Variants in PRKN observed in about 807,000 individuals in gnomAD.
PRKN encodes the protein parkin RBR E3 ubiquitin protein ligase, also known as E3 ubiquitin-protein ligase parkin.
A neutral mutation model predicts 59.5 loss-of-function variants in PRKN; 56 were observed. The ratio of observed to expected loss-of-function variants is 0.94; its 90% CI spans 0.76 to 1.18. The LOEUF is 1.18. Among genes scored for constraint, PRKN ranks in the 50% most tolerant of loss-of-function variants. PRKN has a pLI of 0.00. For missense variants in PRKN, 657 were observed against 596.4 expected (o/e 1.10, Z -1.06); for synonymous variants, 250 against 222.1 (o/e 1.13, Z -1.12).
intron 2 of PRKN, among the ~76,000 whole-genome samples, chr6:162,278,782 T>A (rs1780746076): frequency 6.6e-6 from 1 of 152,038 alleles, no homozygotes; most frequent in African/African-American, 2.4e-5. Flanking sequence ...CTGAAGTGTT[T>A]AGGAACAAAA....
chr6:161,706,959 G>A (rs1786525857), intron 7 of PRKN, among the ~76,000 whole-genome samples: 1 of 152,134 alleles, frequency 6.6e-6, no homozygotes, highest in African/African-American at 2.4e-5. Context: ...CAAGAAAACT[G>A]TATTTTTAGG....
chr6:161,879,520 G>T (rs1185353420), intron 6 of PRKN, among the ~76,000 whole-genome samples: 2 of 151,904 alleles, frequency 1.3e-5, no homozygotes, highest in African/African-American at 4.8e-5. Flanking sequence ...CTAACTTTTT[G>T]TATTTTGAGT....
At chr6:162,526,260 C>G (rs1397416463) in intron 1 of PRKN, among the ~76,000 whole-genome samples, 2 of 77,152 alleles carry the variant, frequency 2.6e-5, no homozygotes, top group Admixed American at 1.6e-4. Context: ...AGAACCTCCA[C>G]AAGGCTAAGG....
intron 9 of PRKN, among the ~76,000 whole-genome samples, chr6:161,528,555 A>G (rs1438758656): frequency 6.6e-6 from 1 of 152,202 alleles, no homozygotes; most frequent in Admixed American, 6.5e-5. Context: ...ACTGTGTCCA[A>G]GTGGAAATGG....
At position 162,238,148 on chromosome 6, in the gene PRKN, G is replaced by A. The variant is rs146030161; in HGVS notation, c.412+24377C>T. On this transcript the variant is annotated intron_variant, in intron 3 of 11. Coordinates refer to ENST00000366898, the MANE Select transcript of PRKN (RefSeq NM_004562.3). ...TTAAATCTATAACATACAGTCATGT[G>A]CCCCATCTGCATCAATCATGGCATG... Among the ~76,000 whole-genome samples the A allele has an allele frequency of 1.6e-3, 238 of 152,242 alleles. 1 individual carries two copies. The highest frequency in any genetic ancestry group is 2.6e-3 in the Non-Finnish European group (175 of 68,008).
intron 1 of PRKN, among the ~76,000 whole-genome samples, chr6:162,544,764 G>A (rs1360251973): frequency 7.5e-5 from 10 of 133,498 alleles, no homozygotes; most frequent in Non-Finnish European, 1.4e-4. Flanking sequence ...GGCAACCTCC[G>A]CCTCCCGGGT....
Position 161,551,283 on chromosome 6 carries a change from G to T in PRKN, c.934-2280C>A, listed in dbSNP as rs952902328. Among the ~76,000 whole-genome samples, 5 of 152,202 alleles carry T rather than the reference G, an allele frequency of 3.3e-5. No individual in the cohort carries two copies. The highest frequency in any genetic ancestry group is 1.2e-4 in the African/African-American group (5 of 41,450). On this transcript the variant is annotated intron_variant, in intron 8 of 11. Transcript: ENST00000366898. This position sits in a 1 kb window ranked among gnomAD's most constrained non-coding sequence, Gnocchi z 5.2. ...CCCCAAATGCCAAGGAAGGACCTGG[G>T]GAGGCGCGCTGGCGACCTGAACGTC...
At chr6:162,269,813 C>A (rs922905028) in intron 2 of PRKN, among the ~76,000 whole-genome samples, 1 of 152,134 alleles carries the variant, frequency 6.6e-6, no homozygotes, top group African/African-American at 2.4e-5. Flanking sequence ...GTCGAAACCA[C>A]AATGCGATAC....
chr6:161,650,189 C>G (rs1172853363), intron 7 of PRKN, among the ~76,000 whole-genome samples: 1 of 152,136 alleles, frequency 6.6e-6, no homozygotes, highest in Non-Finnish European at 1.5e-5. Flanking sequence ...CCCACAGAGT[C>G]CACGAGCATA....
intron 7 of PRKN, among the ~76,000 whole-genome samples, chr6:161,765,139 A>C (rs539075386): frequency 3.7e-4 from 56 of 152,356 alleles, no homozygotes; most frequent in Middle Eastern, 3.4e-3. Context: ...TATTATCCCC[A>C]AAAACGCTTC....
At position 161,728,818 on chromosome 6, in the gene PRKN, G is replaced by A. The variant is rs1171364114; in HGVS notation, c.871+56954C>T. On this transcript the variant is annotated intron_variant, in intron 7 of 11. Transcript: ENST00000366898. ...CCACTATTCTTCAAAACATAAACAG[G>A]CCAAACCAGGCAGGAGCCTAATAGC... is the stretch of plus-strand genomic sequence containing the variant. Among the ~76,000 whole-genome samples the A allele has an allele frequency of 2.6e-5, 4 of 152,062 alleles. No homozygotes were observed. The East Asian group carries it at 7.7e-4, about 29-fold the overall frequency.
chr6:161,978,026 TTATTG>T (rs1482071642), intron 5 of PRKN, among the ~76,000 whole-genome samples: 131 of 128,458 alleles, frequency 1.0e-3, no homozygotes, highest in African/African-American at 3.5e-3. Flanking sequence ...GTATTTTATT[TTATTG>T]TATTTTATTT....
rs1007861197 is a variant in PRKN, at chr6:161,461,503, T to C, written c.1084-74626A>G. 1.3e-5 allele frequency among the ~76,000 whole-genome samples: 2 copies of C among 152,110 alleles called. No homozygotes were observed. Among genetic ancestry groups the C allele is most frequent in the East Asian group, 1.9e-4 (1 of 5,174 alleles). On this transcript the variant is annotated intron_variant, in intron 9 of 11. Coordinates refer to ENST00000366898, the MANE Select transcript of PRKN (RefSeq NM_004562.3). This position sits in a 1 kb window ranked among gnomAD's most constrained non-coding sequence, Gnocchi z 5.1. Reference sequence around the variant, plus strand: ...CTCAAGGCAGGAAGAGTGTAGGTTGTTCCAGTAGTTGAGGTAAAGAGTGGG... The same window carrying C: ...CTCAAGGCAGGAAGAGTGTAGGTTGCTCCAGTAGTTGAGGTAAAGAGTGGG...
chr6:161,878,431 C>A (rs1794814452), intron 6 of PRKN, among the ~76,000 whole-genome samples: 1 of 152,116 alleles, frequency 6.6e-6, no homozygotes, highest in African/African-American at 2.4e-5. Flanking sequence ...CCAGAGCCGA[C>A]CACTGTCCTG....
At chr6:161,736,198 T>A (rs1202475262) in intron 7 of PRKN, among the ~76,000 whole-genome samples, 2 of 152,192 alleles carry the variant, frequency 1.3e-5, no homozygotes, top group African/African-American at 4.8e-5. Flanking sequence ...CAAAATCTCA[T>A]GGCAAGGCTG....
intron 2 of PRKN, among the ~76,000 whole-genome samples, chr6:162,362,545 C>A (rs977955684): frequency 2.0e-5 from 3 of 152,094 alleles, no homozygotes; most frequent in African/African-American, 7.2e-5. Flanking sequence ...AAATAAATTT[C>A]TACTGAAAAT....
chr6:161,616,181 C>G (rs527488783), intron 7 of PRKN, among the ~76,000 whole-genome samples: 2 of 152,318 alleles, frequency 1.3e-5, no homozygotes, highest in Admixed American at 1.3e-4. Context: ...ACACATAGCT[C>G]TGTGTGCTTC....
intron 7 of PRKN, chr6:161,716,001 A>G: frequency 1.3e-6 from 1 of 777,790 alleles, no homozygotes; most frequent in Non-Finnish European, 2.0e-6. Context: ...TGTGATCTAT[A>G]TTTAACAAGC....
At chr6:161,740,634 C>T (rs1884158) in intron 7 of PRKN, among the ~76,000 whole-genome samples, 42,080 of 152,148 alleles carry the variant, frequency 0.28, 6,095 homozygotes, top group Non-Finnish European at 0.31. Context: ...GAATCAAGTT[C>T]GGGTTTTACA....
Sources: gnomAD v4.1 joint callset for allele counts (sites outside exome capture counted in the v4.1 genomes callset) on GRCh38, gnomAD v4.1.1 for gene constraint, Gnocchi (gnomAD v3.1) non-coding constraint, MANE v1.5 for transcripts, NCBI Gene and HGNC (gene_info 2026-07-23, HGNC 2026-07-21) for gene names.